The following XKR6 variants were observed in gnomAD, a reference collection of about 807,000 sequenced individuals.
XKR6 encodes XK-related protein 6.
Under a neutral mutation model 56.7 loss-of-function variants are expected in XKR6, and 22 were observed. The observed-to-expected ratio is 0.39, with a 90% CI of 0.28 to 0.55. The LOEUF is 0.55. Among genes scored for constraint, XKR6 ranks in the 20% least tolerant of loss-of-function variants. The pLI is 0.66. For missense variants in XKR6, 852 were observed against 889.0 expected (o/e 0.96, Z 0.53); for synonymous variants, 524 against 387.8 (o/e 1.35, Z -4.13).
At chr8:11,149,710 G>A (rs1261517639) in intron 1 of XKR6, among the ~76,000 whole-genome samples, 7 of 151,780 alleles carry the variant, frequency 4.6e-5, no homozygotes, top group African/African-American at 1.7e-4. Context: ...ACCAAAAACA[G>A]AACCACTATA....
At chr8:10,948,147 A>G (rs1801607702) in intron 1 of XKR6, among the ~76,000 whole-genome samples, 1 of 152,170 alleles carries the variant, frequency 6.6e-6, no homozygotes, top group Non-Finnish European at 1.5e-5. Flanking sequence ...CAACAACCCT[A>G]TGAGGTAAAA....
intron 1 of XKR6, among the ~76,000 whole-genome samples, chr8:11,198,387 A>T (rs1276438652): frequency 2.8e-5 from 1 of 36,106 alleles, no homozygotes; most frequent in Admixed American, 3.3e-4. Context: ...TAAAATTAGC[A>T]TGTCTTTTAA....
intron 1 of XKR6, among the ~76,000 whole-genome samples, chr8:11,089,187 C>A (rs1405539871): frequency 2.0e-5 from 3 of 152,066 alleles, no homozygotes; most frequent in African/African-American, 7.2e-5. Flanking sequence ...AAGTGGCCCA[C>A]CAGCGTGTTC....
At chr8:11,148,015 G>C (rs1229660670) in intron 1 of XKR6, among the ~76,000 whole-genome samples, 1 of 151,828 alleles carries the variant, frequency 6.6e-6, no homozygotes, top group Non-Finnish European at 1.5e-5. Context: ...TTGGAGGTCA[G>C]CCTGACCAAC....
Position 11,200,643 on chromosome 8 carries a change from G to C in XKR6, c.697C>G (p.Leu233Val). Residue 233 changes from leucine (L) to valine (V), a missense_variant, in exon 1 of 3, where the codon CTG becomes GTG. Physicochemically the swap from Leu to Val is conservative, Grantham distance 32 (BLOSUM62 1). This residue lies in a region of XKR6 where 417 missense variants were observed against 355.2 expected (regional missense o/e 1.17). Coordinates refer to ENST00000416569, the MANE Select transcript of XKR6 (RefSeq NM_173683.4). The surrounding 1 kb of genome is among the most constrained non-coding windows in gnomAD (Gnocchi z 6.4). ...CAGATCCACACGGAGAGGCGACACA[G>C]GCGCTGCGCCCCCGGCGTGGGGGAG... ...RVSPTPGAQR[L>V]CRLSVWIWQS... is the part of the protein sequence containing the mutation. 6.4e-7 allele frequency: 1 copy of C among 1,552,722 alleles called. No individual in the cohort carries two copies. The highest frequency in any genetic ancestry group is 8.6e-7 in the Non-Finnish European group (1 of 1,160,182).
In XKR6 at chr8:11,150,056, C is replaced by T. The variant is rs112853990; in HGVS notation, c.764+50520G>A. Among the ~76,000 whole-genome samples the T allele has an allele frequency of 5.3e-3, 805 of 152,164 alleles. 6 individuals carry two copies. Among genetic ancestry groups the T allele is most frequent in the African/African-American group, 0.018 (749 of 41,482 alleles). Reference sequence around the variant, plus strand: ...GAGGTAGAGAGTAGAATGAGAGATACCAGAGGCTGGGAAGAGTTGGGTGGG... The same window carrying T: ...GAGGTAGAGAGTAGAATGAGAGATATCAGAGGCTGGGAAGAGTTGGGTGGG... On this transcript the variant is annotated intron_variant, in intron 1 of 2. Coordinates refer to ENST00000416569, the MANE Select transcript of XKR6 (RefSeq NM_173683.4).
intron 1 of XKR6, among the ~76,000 whole-genome samples, chr8:11,098,190 C>G (rs1317541119): frequency 6.6e-6 from 1 of 151,972 alleles, no homozygotes; most frequent in Non-Finnish European, 1.5e-5. Flanking sequence ...TGCAATTGAA[C>G]TAGATCCCCA....
At chr8:10,928,126 A>T (rs1365034399) in intron 1 of XKR6, among the ~76,000 whole-genome samples, 1 of 151,910 alleles carries the variant, frequency 6.6e-6, no homozygotes, top group Non-Finnish European at 1.5e-5. Context: ...GTCTAGTCCA[A>T]CCCCCACTTT....
At chr8:11,121,492 C>G (rs1175986186) in intron 1 of XKR6, among the ~76,000 whole-genome samples, 7 of 152,212 alleles carry the variant, frequency 4.6e-5, no homozygotes, top group Non-Finnish European at 8.8e-5. Context: ...GAGATACCAT[C>G]TCACACCTGT....
intron 1 of XKR6, among the ~76,000 whole-genome samples, chr8:11,176,820 G>C (rs1483339576): frequency 2.0e-5 from 3 of 152,114 alleles, no homozygotes; most frequent in African/African-American, 7.2e-5. Flanking sequence ...TGTCTTCCTG[G>C]TGACTTTTAG....
chr8:11,117,459 A>C (rs1799235648), intron 1 of XKR6, among the ~76,000 whole-genome samples: 1 of 152,178 alleles, frequency 6.6e-6, no homozygotes, highest in Non-Finnish European at 1.5e-5. Flanking sequence ...GGAAGAAAAC[A>C]GAATGTCTGA....
chr8:11,051,201 ACTT>A (rs1379349040), intron 1 of XKR6, among the ~76,000 whole-genome samples: 3 of 151,248 alleles, frequency 2.0e-5, no homozygotes, highest in Admixed American at 6.6e-5. Context: ...GGTTCCAGAC[ACTT>A]CTTCTTCCTG....
At chr8:11,124,923 TA>T (rs750680238) in intron 1 of XKR6, 4,968 of 119,486 alleles carry the variant, frequency 0.042, 248 homozygotes, top group African/African-American at 0.12. Context: ...TCACTACTAT[TA>T]AAAAAAAAAA....
At chr8:10,938,764 A>G (rs781424128) in intron 1 of XKR6, among the ~76,000 whole-genome samples, 6 of 152,186 alleles carry the variant, frequency 3.9e-5, no homozygotes, top group Non-Finnish European at 5.9e-5. Context: ...TGAGCTGATT[A>G]TGGTGGTGAC....
chr8:11,134,901 A>C (rs2116909992), intron 1 of XKR6, among the ~76,000 whole-genome samples: 1 of 152,276 alleles, frequency 6.6e-6, no homozygotes, highest in South Asian at 2.1e-4. Flanking sequence ...AAATTATGTC[A>C]TAGGATGACA....
intron 1 of XKR6, among the ~76,000 whole-genome samples, chr8:11,173,717 T>C (rs1439262076): frequency 6.6e-6 from 1 of 152,122 alleles, no homozygotes; most frequent in Non-Finnish European, 1.5e-5. Context: ...AGCAAGCCTT[T>C]TTGGCCAGTG....
intron 1 of XKR6, among the ~76,000 whole-genome samples, chr8:10,956,368 T>C (rs554674697): frequency 1.6e-4 from 25 of 152,280 alleles, no homozygotes; most frequent in African/African-American, 5.5e-4. Context: ...GCCAGGCGTC[T>C]ATCCCTGGGC....
At chr8:11,112,069 T>C (rs1798923045) in intron 1 of XKR6, among the ~76,000 whole-genome samples, 1 of 152,228 alleles carries the variant, frequency 6.6e-6, no homozygotes, top group Admixed American at 6.5e-5. Context: ...GCAGTTTTCA[T>C]AAAGCAAAAT....
chr8:11,104,853 C>A lies in XKR6; in HGVS notation c.764+95723G>T, dbSNP rs138249375. ...AATGATTTCCTAAATGCCTGTATTG[C>A]AGTGGATCTTTGCGTTATGTGAGGT... On this transcript the variant is annotated intron_variant, in intron 1 of 2. Coordinates refer to ENST00000416569, the MANE Select transcript of XKR6 (RefSeq NM_173683.4). The A allele has an allele frequency of 2.2e-4, 34 of 152,222 alleles. No homozygotes were observed. In the East Asian group the frequency reaches 4.8e-3, roughly 22 times the overall value. 9.4% of individuals were successfully genotyped at this position (152,222 alleles called of 1,614,324 possible).
Sources: gnomAD v4.1 joint callset for allele counts (sites outside exome capture counted in the v4.1 genomes callset) on GRCh38, gnomAD v4.1.1 for gene constraint, gnomAD v4.1.1 regional missense constraint, Gnocchi (gnomAD v3.1) non-coding constraint, MANE v1.5 for transcripts, NCBI Gene and HGNC (gene_info 2026-07-23, HGNC 2026-07-21) for gene names.